The following RAB27A variants were observed in gnomAD, a reference collection of about 807,000 sequenced individuals.
RAB27A encodes RAB27A, member RAS oncogene family.
In RAB27A, 17 loss-of-function variants were observed where a neutral mutation model predicts 20.8. The ratio of observed to expected loss-of-function variants is 0.82; its 90% CI spans 0.56 to 1.23. The LOEUF is 1.23. Among genes scored for constraint, RAB27A ranks in the 50% most tolerant of loss-of-function variants. The pLI is 0.00. For synonymous variants in RAB27A, 85 were observed against 92.8 expected, an observed-to-expected ratio of 0.92 and a Z score of 0.48; for missense variants, 277 against 266.7, an observed-to-expected ratio of 1.04 and a Z score of -0.27.
At chr15:55,277,321 C>A (rs11855312) in intron 1 of RAB27A, among the ~76,000 whole-genome samples, 1 of 152,080 alleles carries the variant, frequency 6.6e-6, no homozygotes, top group Admixed American at 6.6e-5. Flanking sequence ...TTTGTAACAG[C>A]CCTTGTAAAA....
chr15:55,314,015 T>TAAATAAATAAAC (rs1555401749), intron 2 of RAB27A: 13 of 149,654 alleles, frequency 8.7e-5, no homozygotes, highest in African/African-American at 2.9e-4. Context: ...AATAAATAAA[T>TAAATAAATAAAC]AAACCGGGTG....
At chr15:55,210,282 T>G (rs1037551707) in intron 6 of RAB27A, among the ~76,000 whole-genome samples, 2 of 80,090 alleles carry the variant, frequency 2.5e-5, no homozygotes, top group East Asian at 2.6e-4. Flanking sequence ...CTATTTTTAG[T>G]TTTTTTTTTT....
intron 2 of RAB27A, among the ~76,000 whole-genome samples, chr15:55,303,791 G>A (rs1595755981): frequency 7.9e-6 from 1 of 126,576 alleles, no homozygotes; most frequent in South Asian, 2.8e-4. Flanking sequence ...GGGAGGTGGG[G>A]GGGTCAGCCC....
rs147539482 is a variant in RAB27A at position 55,275,308 on chromosome 15, T to C, written c.-142-5024A>G. ...TGGGATTACATCAAACTAAAGCTGC[T>C]GCACAGCAAAGGAAACAACAAAATG... On this transcript the variant is annotated intron_variant, in intron 1 of 6. Transcript: ENST00000336787. 1.1e-4 allele frequency among the ~76,000 whole-genome samples: 16 copies of C among 151,012 alleles called. No individual in the cohort carries two copies. In the East Asian group the frequency reaches 3.1e-3, roughly 30 times the overall value.
intron 1 of RAB27A, among the ~76,000 whole-genome samples, chr15:55,286,480 T>C (rs35879962): frequency 0.044 from 6,625 of 152,184 alleles, 229 homozygotes; most frequent in Middle Eastern, 0.058. Flanking sequence ...GATACTATTC[T>C]AGATGGAGTG....
intron 2 of RAB27A, among the ~76,000 whole-genome samples, chr15:55,307,953 T>C (rs770807359): frequency 6.6e-6 from 1 of 152,080 alleles, no homozygotes; most frequent in African/African-American, 2.4e-5. Context: ...GTAATTTCCA[T>C]TGGTTAGCTG....
At chr15:55,233,508 G>T (rs1896129266) in intron 3 of RAB27A, among the ~76,000 whole-genome samples, 1 of 152,162 alleles carries the variant, frequency 6.6e-6, no homozygotes, top group Non-Finnish European at 1.5e-5. Flanking sequence ...AATAAGTAAT[G>T]AAGTCCTGAT....
rs71297648 is a variant in RAB27A at position 55,280,503 on chromosome 15, T to TTATATATATATATATA, written c.-143+9197_-143+9212dup. ...TGTTGTTGTTTCTTGTGGGTATGGT[T>TTATATATATATATATA]TATATATATATATATATATATATAC... On this transcript the variant is annotated intron_variant, in intron 1 of 6. Coordinates refer to ENST00000336787, the MANE Select transcript of RAB27A (RefSeq NM_183235.3). Among the ~76,000 whole-genome samples the TTATATATATATATATA allele has an allele frequency of 3.1e-3, 427 of 137,822 alleles. 2 individuals are homozygous for TTATATATATATATATA. The highest frequency in any genetic ancestry group is 0.012 in the African/African-American group (402 of 34,692). 90.4% of individuals were successfully genotyped at this position (137,822 alleles called of 152,430 possible).
At chr15:55,261,017 C>T (rs1024891941) in intron 2 of RAB27A, among the ~76,000 whole-genome samples, 1 of 147,366 alleles carries the variant, frequency 6.8e-6, no homozygotes, top group Non-Finnish European at 1.5e-5. Flanking sequence ...GGAGGCTATG[C>T]ATGTTGGGGG....
chr15:55,265,321 G>A (rs1897429756), intron 2 of RAB27A, among the ~76,000 whole-genome samples: 1 of 152,046 alleles, frequency 6.6e-6, no homozygotes. Flanking sequence ...TGGGGAGATA[G>A]CACAAGAGGG....
intron 1 of RAB27A, among the ~76,000 whole-genome samples, chr15:55,282,007 A>AG (rs1303252659): frequency 6.6e-6 from 1 of 152,204 alleles, no homozygotes; most frequent in African/African-American, 2.4e-5. Context: ...ATTGGAACAG[A>AG]AAAGTAGCAG....
chr15:55,272,471 G>C (rs750467859), intron 1 of RAB27A, among the ~76,000 whole-genome samples: 2 of 152,326 alleles, frequency 1.3e-5, no homozygotes, highest in Non-Finnish European at 2.9e-5. Context: ...TAAGCACCCA[G>C]GTGATGCCCA....
intron 2 of RAB27A, among the ~76,000 whole-genome samples, chr15:55,295,130 A>G (rs2054943361): frequency 6.6e-6 from 1 of 152,184 alleles, no homozygotes; most frequent in African/African-American, 2.4e-5. Flanking sequence ...GTGAATCAAA[A>G]TCACAATGAG....
At chr15:55,275,683 C>G (rs6493775) in intron 1 of RAB27A, among the ~76,000 whole-genome samples, 1 of 151,318 alleles carries the variant, frequency 6.6e-6, no homozygotes, top group Non-Finnish European at 1.5e-5. Flanking sequence ...TAAATCTGAT[C>G]AGGGGTTAAT....
chr15:55,300,037 G>A (rs1271811633), intron 2 of RAB27A, among the ~76,000 whole-genome samples: 1 of 151,824 alleles, frequency 6.6e-6, no homozygotes, highest in African/African-American at 2.4e-5. Flanking sequence ...AGCCAGGATG[G>A]TCTCGAGCTC....
At chr15:55,271,302 G>C (rs1048653642) in intron 1 of RAB27A, among the ~76,000 whole-genome samples, 3 of 152,200 alleles carry the variant, frequency 2.0e-5, no homozygotes, top group African/African-American at 7.2e-5. Flanking sequence ...AATTCGCTAA[G>C]TTAAGTGGTT....
At chr15:55,221,170 A>C (rs1419857605) in intron 6 of RAB27A, among the ~76,000 whole-genome samples, 2 of 152,232 alleles carry the variant, frequency 1.3e-5, no homozygotes, top group African/African-American at 4.8e-5. Flanking sequence ...AAACAAGCAA[A>C]GGGCTGAAAA....
At chr15:55,235,815 G>C (rs373621649) in intron 2 of RAB27A, among the ~76,000 whole-genome samples, 2 of 151,576 alleles carry the variant, frequency 1.3e-5, no homozygotes, top group African/African-American at 4.9e-5. Context: ...CACACACCAC[G>C]GAATACTACT....
At chr15:55,288,514 C>CTT (rs1014042086) in intron 1 of RAB27A, among the ~76,000 whole-genome samples, 2 of 151,494 alleles carry the variant, frequency 1.3e-5, no homozygotes, top group Non-Finnish European at 2.9e-5. Flanking sequence ...GAGTGAGACT[C>CTT]TGTCTCAAAA....
Sources: gnomAD v4.1 joint callset for allele counts (sites outside exome capture counted in the v4.1 genomes callset) on GRCh38, gnomAD v4.1.1 for gene constraint, MANE v1.5 for transcripts, NCBI Gene and HGNC (gene_info 2026-07-23, HGNC 2026-07-21) for gene names.